STK32B: variants seen among roughly 807,000 people sequenced by gnomAD.
STK32B encodes the protein serine/threonine kinase 32B.
In STK32B, 43 loss-of-function variants were observed where a neutral mutation model predicts 52.6. That is an observed-to-expected ratio of 0.82 (90% confidence interval 0.64 to 1.05). The LOEUF (loss-of-function observed/expected upper bound fraction) is 1.05, where lower values mean the gene tolerates loss of function less well. Among genes scored for constraint, STK32B ranks in the 50% least tolerant of loss-of-function variants. STK32B has a pLI of 0.00. For synonymous variants in STK32B, 238 were observed against 204.3 expected (o/e 1.17, Z -1.41); for missense variants, 621 against 534.6 (o/e 1.16, Z -1.59).
intron 1 of STK32B, among the ~76,000 whole-genome samples, chr4:5,135,506 C>G (rs1716019353): frequency 6.6e-6 from 1 of 152,178 alleles, no homozygotes; most frequent in African/African-American, 2.4e-5. Flanking sequence ...CTTTGAGTAT[C>G]AGAAAAGAAT....
At chr4:5,191,151 G>C (rs781501680) in intron 3 of STK32B, among the ~76,000 whole-genome samples, 5 of 152,132 alleles carry the variant, frequency 3.3e-5, no homozygotes, top group Non-Finnish European at 7.4e-5. Flanking sequence ...GTTTTCCCTG[G>C]TTTCCATGGT....
At chr4:5,371,961 A>G (rs888406903) in intron 4 of STK32B, among the ~76,000 whole-genome samples, 1 of 152,186 alleles carries the variant, frequency 6.6e-6, no homozygotes, top group African/African-American at 2.4e-5. Flanking sequence ...CACACAGGTG[A>G]CTGCAGAGAT....
chr4:5,409,363 G>A (rs921137404), intron 5 of STK32B, among the ~76,000 whole-genome samples: 12 of 152,102 alleles, frequency 7.9e-5, no homozygotes, highest in East Asian at 1.9e-4. Context: ...TAGGGAAAGC[G>A]TTGCAAAAAC....
chr4:5,263,225 A>ATTCTTATGTATCATCCG (rs1726842300), intron 3 of STK32B, among the ~76,000 whole-genome samples: 1 of 149,910 alleles, frequency 6.7e-6, no homozygotes. Context: ...ACGTGTATCA[A>ATTCTTATGTATCATCCG]TGCAGTCCCA....
chr4:5,461,430 A>C (rs909509873), intron 9 of STK32B, among the ~76,000 whole-genome samples: 6 of 152,172 alleles, frequency 3.9e-5, no homozygotes, highest in African/African-American at 1.2e-4. Context: ...GTGCAAAAAT[A>C]ATGTCTCCCC....
Position 5,460,035 on chromosome 4 carries a change from C to A in STK32B, c.784-68C>A. The A allele has an allele frequency of 6.2e-7, 1 of 1,612,282 alleles. No individual in the cohort carries two copies. The highest frequency in any genetic ancestry group is 1.1e-5 in the South Asian group (1 of 90,936). On this transcript the variant is annotated intron_variant, in intron 8 of 11. Transcript: ENST00000282908. This position sits in a 1 kb window ranked among gnomAD's most constrained non-coding sequence, Gnocchi z 4.8. ...CACATTAATTGCCCTGAGACCCCCT[C>A]CTTCAGAGTCCCCGCTAACCTTGAG...
chr4:5,204,268 G>C (rs12513011), intron 3 of STK32B: 9,941 of 152,232 alleles, frequency 0.065, 560 homozygotes, highest in Admixed American at 0.17. Context: ...TTCATTTATT[G>C]AACATGTGTT....
chr4:5,162,237 CTG>C (rs1413289339), intron 2 of STK32B, among the ~76,000 whole-genome samples: 1 of 152,202 alleles, frequency 6.6e-6, no homozygotes, highest in Non-Finnish European at 1.5e-5. Flanking sequence ...ATAAAGGACA[CTG>C]TGAAGACACC....
chr4:5,163,595 A>C (rs980435485), intron 2 of STK32B, among the ~76,000 whole-genome samples: 1 of 149,928 alleles, frequency 6.7e-6, no homozygotes, highest in African/African-American at 2.4e-5. Context: ...AGAGAGAGAG[A>C]GATGTTGGAG....
At position 5,469,883 on chromosome 4, in the gene STK32B, G is replaced by T. The variant is rs1422115574; in HGVS notation, c.1106+1813G>T. Among the ~76,000 whole-genome samples, 1 of 152,148 alleles carries T rather than the reference G, an allele frequency of 6.6e-6. No homozygotes were observed. The highest frequency in any genetic ancestry group is 1.5e-5 in the Non-Finnish European group (1 of 68,032). ...GGTCCTGCCTGCTCTGAGGCTCATG[G>T]CCCTTCCCCCAGACTTAGAAACCCA... On this transcript the variant is annotated intron_variant, in intron 11 of 11. Transcript: ENST00000282908. The surrounding 1 kb of genome is among the most constrained non-coding windows in gnomAD (Gnocchi z 4.7).
chr4:5,268,792 C>T (rs544365752), intron 3 of STK32B, among the ~76,000 whole-genome samples: 3 of 152,056 alleles, frequency 2.0e-5, no homozygotes, highest in African/African-American at 7.2e-5. Flanking sequence ...AGGGCTTCGG[C>T]TTCTGGTTGA....
At position 5,083,740 on chromosome 4, in the gene STK32B, ATTTTTTTT is replaced by A. The variant is rs34158437; in HGVS notation, c.52+31832_52+31839del. Among the ~76,000 whole-genome samples the A allele has an allele frequency of 5.1e-4, 73 of 144,272 alleles. 1 individual carries two copies. The East Asian group carries it at 0.012, about 24-fold the overall frequency. The allele number at this position is 144,272 out of a possible 152,430, so 94.6% of individuals were successfully genotyped here. ...GATATAGACTGCTCTTCTGTTACCT[ATTTTTTTT>A]TTTTTTGAGACAGAGTCTCACTCTC... On this transcript the variant is annotated intron_variant, in intron 1 of 11. Transcript: ENST00000282908.
intron 3 of STK32B, among the ~76,000 whole-genome samples, chr4:5,261,869 C>T (rs1332328076): frequency 3.9e-5 from 6 of 152,268 alleles, no homozygotes; most frequent in African/African-American, 1.4e-4. Context: ...GGATTGCTGA[C>T]AGCTAATGAT....
chr4:5,159,610 A>C (rs980022645), intron 2 of STK32B, among the ~76,000 whole-genome samples: 1 of 95,314 alleles, frequency 1.0e-5, no homozygotes, highest in African/African-American at 5.2e-5. Context: ...TATATATATG[A>C]ATATATATGA....
intron 1 of STK32B, among the ~76,000 whole-genome samples, chr4:5,103,640 C>T (rs958627085): frequency 3.3e-5 from 5 of 152,060 alleles, no homozygotes; most frequent in South Asian, 2.1e-4. Flanking sequence ...CGCTGAGAAA[C>T]GGTAGAATTC....
At chr4:5,371,002 A>ATATATATATACACGTATATATATG (rs1204029655) in intron 4 of STK32B, among the ~76,000 whole-genome samples, 1 of 118,424 alleles carries the variant, frequency 8.4e-6, no homozygotes, top group Non-Finnish European at 1.7e-5. Flanking sequence ...GTGTGTATAT[A>ATATATATATACACGTATATATATG]TATATATATG....
chr4:5,168,833 C>G (rs1250207703), intron 3 of STK32B, among the ~76,000 whole-genome samples: 1 of 152,170 alleles, frequency 6.6e-6, no homozygotes, highest in Admixed American at 6.5e-5. Flanking sequence ...AACCAGTATT[C>G]TACTTCAGTA....
chr4:5,493,504 T>A (rs559073945), intron 11 of STK32B, among the ~76,000 whole-genome samples: 4 of 152,328 alleles, frequency 2.6e-5, no homozygotes, highest in African/African-American at 9.6e-5. Context: ...AGTCTATCAA[T>A]TTTGTTGATC....
chr4:5,278,008 G>T (rs142304718), intron 3 of STK32B, among the ~76,000 whole-genome samples: 452 of 152,244 alleles, frequency 3.0e-3, no homozygotes, highest in African/African-American at 9.5e-3. Context: ...CCACCATAAG[G>T]CTGCCTAAAT....
Sources: gnomAD v4.1 joint callset for allele counts (sites outside exome capture counted in the v4.1 genomes callset) on GRCh38, gnomAD v4.1.1 for gene constraint, Gnocchi (gnomAD v3.1) non-coding constraint, MANE v1.5 for transcripts, NCBI Gene and HGNC (gene_info 2026-07-23, HGNC 2026-07-21) for gene names.